The following AEBP2 variants were observed in gnomAD, a reference collection of about 807,000 sequenced individuals.
AEBP2 encodes AE binding protein 2.
A neutral mutation model predicts 50.8 loss-of-function variants in AEBP2; 10 were observed. That is an observed-to-expected ratio of 0.20 (90% CI 0.12 to 0.33). AEBP2 has a LOEUF of 0.33. AEBP2 is among the 10% of genes least tolerant of loss of function. AEBP2 has a pLI of 1.00. For missense variants in AEBP2, 570 were observed against 688.0 expected (o/e 0.83, Z 1.92); for synonymous variants, 296 against 261.3 (o/e 1.13, Z -1.28).
intron 1 of AEBP2, among the ~76,000 whole-genome samples, chr12:19,459,116 G>C (rs941693785): frequency 1.3e-5 from 2 of 152,166 alleles, no homozygotes; most frequent in African/African-American, 4.8e-5. Flanking sequence ...AGTTAAATTA[G>C]TATAGTTTAT....
At chr12:19,465,675 T>G (rs757445365) in intron 2 of AEBP2, among the ~76,000 whole-genome samples, 3 of 152,092 alleles carry the variant, frequency 2.0e-5, no homozygotes, top group Non-Finnish European at 4.4e-5. Flanking sequence ...TACAATAGAC[T>G]ATGTGTTTTG....
chr12:19,475,561 A>G (rs576863179), intron 3 of AEBP2, among the ~76,000 whole-genome samples: 1 of 152,126 alleles, frequency 6.6e-6, no homozygotes, highest in African/African-American at 2.4e-5. Flanking sequence ...TTTTCCCAGT[A>G]GTCATTCATA....
At position 19,518,190 on chromosome 12, in the gene AEBP2, G is replaced by A. The variant is rs2120645881; in HGVS notation, c.*73G>A. On this transcript the variant is annotated 3_prime_UTR_variant, in exon 8 of 8. Transcript: ENST00000266508. The stretch of plus-strand genomic sequence containing the variant: ...CTTAGTCACTGACAATGGGTTTAGG[G>A]AAAGTTGCACATTAGAGTCAACCCC... 2 of 1,453,890 alleles carry A rather than the reference G, an allele frequency of 1.4e-6. No homozygotes were observed. Among genetic ancestry groups the A allele is most frequent in the South Asian group, 3.0e-5 (2 of 66,376 alleles). 90.1% of individuals were successfully genotyped at this position (1,453,890 alleles called of 1,614,324 possible).
chr12:19,450,215 C>G (rs1948142308), intron 1 of AEBP2, among the ~76,000 whole-genome samples: 1 of 151,738 alleles, frequency 6.6e-6, no homozygotes, highest in African/African-American at 2.4e-5. Context: ...AGTGACCACC[C>G]CATTGCCCTG....
chr12:19,477,900 C>A (rs1027615088), intron 3 of AEBP2, among the ~76,000 whole-genome samples: 5 of 152,156 alleles, frequency 3.3e-5, no homozygotes, highest in African/African-American at 9.7e-5. Context: ...AGCTGTGAAT[C>A]CAACTGGTCC....
intron 5 of AEBP2, among the ~76,000 whole-genome samples, chr12:19,507,333 G>T (rs1949166688): frequency 6.6e-6 from 1 of 152,176 alleles, no homozygotes. Context: ...CATTAGAGCA[G>T]CTCCTTTTGA....
At chr12:19,465,144 C>T (rs994168152) in intron 2 of AEBP2, among the ~76,000 whole-genome samples, 13 of 151,910 alleles carry the variant, frequency 8.6e-5, no homozygotes, top group African/African-American at 3.1e-4. Flanking sequence ...CCTATAATCC[C>T]AGCACTTTGG....
chr12:19,482,261 A>G lies in AEBP2; in HGVS notation c.987+8906A>G, dbSNP rs542707826. ...TACAAGGAGTCCTGTGATGTGATTC[A>G]TCTTCAGGTCTCCGAGCTGTGGATA... On this transcript the variant is annotated intron_variant, in intron 3 of 7. Coordinates refer to ENST00000266508, the MANE Select transcript of AEBP2 (RefSeq NM_153207.5). 2.0e-5 allele frequency among the ~76,000 whole-genome samples: 3 copies of G among 152,238 alleles called. No homozygotes were observed. The East Asian group carries it at 5.8e-4, about 29-fold the overall frequency.
chr12:19,407,793 A>T (rs2095737102), intron 1 of AEBP2, among the ~76,000 whole-genome samples: 1 of 152,150 alleles, frequency 6.6e-6, no homozygotes, highest in Admixed American at 6.5e-5. Context: ...TTACTCCTGT[A>T]ATCCCAGTAC....
At chr12:19,451,544 A>T (rs558731453) in intron 1 of AEBP2, among the ~76,000 whole-genome samples, 3 of 152,272 alleles carry the variant, frequency 2.0e-5, no homozygotes, top group East Asian at 3.9e-4. Context: ...TTTATGACTT[A>T]GCCTTGGAAG....
chr12:19,423,442 T>A (rs2095746906), intron 1 of AEBP2, among the ~76,000 whole-genome samples: 1 of 152,016 alleles, frequency 6.6e-6, no homozygotes, highest in Non-Finnish European at 1.5e-5. Context: ...GAGTGAGGAT[T>A]TCCTCAAGCT....
intron 1 of AEBP2, among the ~76,000 whole-genome samples, chr12:19,458,034 CTG>C (rs369685902): frequency 8.5e-5 from 13 of 152,216 alleles, no homozygotes; most frequent in African/African-American, 2.9e-4. Context: ...GGAGAATTAA[CTG>C]TGTGAAAAAA....
upstream of AEBP2, among the ~76,000 whole-genome samples, chr12:19,437,410 G>A (rs1355201887): frequency 6.6e-6 from 1 of 152,140 alleles, no homozygotes; most frequent in African/African-American, 2.4e-5. Context: ...TATGATGGGT[G>A]AGGAAAGGTA....
At chr12:19,438,482 A>AG (rs1947884408), upstream of AEBP2, among the ~76,000 whole-genome samples, 1 of 152,186 alleles carries the variant, frequency 6.6e-6, no homozygotes, top group Non-Finnish European at 1.5e-5. Context: ...AAATCCATCC[A>AG]CTGAAGGTCA....
chr12:19,475,186 C>G (rs913572779), intron 3 of AEBP2, among the ~76,000 whole-genome samples: 2 of 268 alleles, frequency 7.5e-3, no homozygotes, highest in Non-Finnish European at 0.016. Flanking sequence ...GCTGTGTACA[C>G]TGTACACTGT....
upstream of AEBP2, among the ~76,000 whole-genome samples, chr12:19,436,845 C>T (rs553898432): frequency 3.9e-5 from 6 of 152,234 alleles, no homozygotes; most frequent in African/African-American, 1.4e-4. Flanking sequence ...AGTGATCCCC[C>T]TGCTTCAGTT....
At chr12:19,409,051 A>G (rs577259436) in intron 1 of AEBP2, among the ~76,000 whole-genome samples, 92 of 152,260 alleles carry the variant, frequency 6.0e-4, no homozygotes, top group Non-Finnish European at 1.2e-3. Context: ...AGAGTTTGGC[A>G]TAGAATCGGG....
At chr12:19,447,400 T>C (rs1204113773) in intron 1 of AEBP2, among the ~76,000 whole-genome samples, 1 of 152,222 alleles carries the variant, frequency 6.6e-6, no homozygotes, top group Non-Finnish European at 1.5e-5. Flanking sequence ...GTGTGCTCCC[T>C]GAGAAGAAAA....
intron 1 of AEBP2, chr12:19,456,423 A>T: frequency 4.3e-6 from 6 of 1,399,620 alleles, no homozygotes; most frequent in Non-Finnish European, 6.0e-6. Flanking sequence ...GCCAGGAACC[A>T]TATCAACGTT....
Sources: allele counts gnomAD v4.1 joint callset (sites outside exome capture counted in the v4.1 genomes callset), GRCh38; gene constraint gnomAD v4.1.1; transcripts MANE v1.5; gene names NCBI Gene and HGNC (gene_info 2026-07-23, HGNC 2026-07-21).